MAST4: variants seen among roughly 807,000 people sequenced by gnomAD.
MAST4 encodes the protein microtubule-associated serine/threonine-protein kinase 4.
In MAST4, 89 loss-of-function variants were observed where a neutral mutation model predicts 162.7. The observed-to-expected ratio is 0.55, with a 90% CI of 0.46 to 0.65. The LOEUF (loss-of-function observed/expected upper bound fraction) is 0.65, where lower values mean the gene tolerates loss of function less well. Ranked by LOEUF, MAST4 falls within the 30% of genes least tolerant of loss-of-function variation. MAST4 has a pLI of 0.00. For synonymous variants in MAST4, 1,479 were observed against 1,361.1 expected, an observed-to-expected ratio of 1.09 and a Z score of -1.91; for missense variants, 3,153 against 3,374.0, an observed-to-expected ratio of 0.93 and a Z score of 1.62.
chr5:67,000,603 T>C (rs1751169457), intron 4 of MAST4, among the ~76,000 whole-genome samples: 1 of 151,942 alleles, frequency 6.6e-6, no homozygotes. Flanking sequence ...AAAAAATTAG[T>C]TGGGTGTGGT....
chr5:66,890,032 GCTT>G (rs1395708991), intron 3 of MAST4, among the ~76,000 whole-genome samples: 2 of 152,000 alleles, frequency 1.3e-5, no homozygotes, highest in East Asian at 1.9e-4. Context: ...TTATATTTTA[GCTT>G]CTTTTTTTTA....
Position 66,911,558 on chromosome 5 carries a change from A to ACCCCCCC in MAST4, c.674+11587_674+11593dup, listed in dbSNP as rs59771853. Reference sequence around the variant, plus strand: ...CTCTACAAACAAACAAACAACAACAACCCCCCCCCCCCCCCCCGCAAAAAA... The same window carrying ACCCCCCC: ...CTCTACAAACAAACAAACAACAACAACCCCCCCCCCCCCCCCCCCCCCCCGCAAAAAA... On this transcript the variant is annotated intron_variant, in intron 4 of 28. Coordinates refer to ENST00000403625, the MANE Select transcript of MAST4 (RefSeq NM_001164664.2). Among the ~76,000 whole-genome samples, 7 of 18,092 alleles carry ACCCCCCC rather than the reference A, an allele frequency of 3.9e-4. 2 individuals carry two copies. The highest frequency in any genetic ancestry group is 6.4e-4 in the Non-Finnish European group (6 of 9,442). 11.9% of individuals were successfully genotyped at this position (18,092 alleles called of 152,430 possible).
intron 25 of MAST4, 30 bp from the exon 26 acceptor site, chr5:67,153,428 C>T: frequency 6.3e-7 from 1 of 1,588,818 alleles, no homozygotes; most frequent in Non-Finnish European, 8.6e-7. Context: ...ATTTGTTTGC[C>T]TACAAATATC....
chr5:66,935,957 C>A (rs1029587785), intron 4 of MAST4, among the ~76,000 whole-genome samples: 2 of 152,102 alleles, frequency 1.3e-5, no homozygotes, highest in African/African-American at 2.4e-5. Flanking sequence ...CATGAGCCAT[C>A]GCACTCGGCG....
At chr5:66,860,460 C>G (rs977787287) in intron 3 of MAST4, among the ~76,000 whole-genome samples, 1 of 152,122 alleles carries the variant, frequency 6.6e-6, no homozygotes, top group African/African-American at 2.4e-5. Flanking sequence ...GTGCTTATAG[C>G]TATAGGTCAT....
chr5:66,911,119 A>C (rs1580847163), intron 4 of MAST4, among the ~76,000 whole-genome samples: 1 of 152,148 alleles, frequency 6.6e-6, no homozygotes, highest in East Asian at 1.9e-4. Context: ...CCCATGCTTA[A>C]GTACAGGAAC....
rs1005013395 is a variant in MAST4, at chr5:67,161,397, T to G, written c.3785+805T>G. Among the ~76,000 whole-genome samples, 3 of 152,190 alleles carry G rather than the reference T, an allele frequency of 2.0e-5. No homozygotes were observed. The South Asian group carries it at 6.2e-4, about 32-fold the overall frequency. The stretch of plus-strand genomic sequence containing the variant: ...GCCCAGCTGTGAACAATATTTATAA[T>G]ATAAGATAAAATACCGGCCGTTTTT... On this transcript the variant is annotated intron_variant, in intron 27 of 28. Coordinates refer to ENST00000403625, the MANE Select transcript of MAST4 (RefSeq NM_001164664.2).
At chr5:66,846,781 G>C (rs1357305795) in intron 3 of MAST4, among the ~76,000 whole-genome samples, 1 of 152,148 alleles carries the variant, frequency 6.6e-6, no homozygotes, top group African/African-American at 2.4e-5. Context: ...TTTAGTTCTT[G>C]TAAGATAGGA....
intron 1 of MAST4, among the ~76,000 whole-genome samples, chr5:66,623,488 T>C (rs1206552730): frequency 6.6e-6 from 1 of 152,226 alleles, no homozygotes; most frequent in East Asian, 1.9e-4. Context: ...TGGTTCAATG[T>C]ACATACAATA....
chr5:66,892,139 T>C (rs1394249306), intron 3 of MAST4, among the ~76,000 whole-genome samples: 1 of 152,252 alleles, frequency 6.6e-6, no homozygotes, highest in Non-Finnish European at 1.5e-5. Flanking sequence ...GAGTCACATG[T>C]CATCTTTAAA....
intron 14 of MAST4, among the ~76,000 whole-genome samples, chr5:67,126,938 C>T (rs1768313118): frequency 6.6e-6 from 1 of 152,156 alleles, no homozygotes; most frequent in Non-Finnish European, 1.5e-5. Context: ...GTTTGTAGTT[C>T]TCCTTGAAGA....
At chr5:66,984,496 A>G (rs1270967156) in intron 4 of MAST4, among the ~76,000 whole-genome samples, 1 of 152,180 alleles carries the variant, frequency 6.6e-6, no homozygotes, top group Non-Finnish European at 1.5e-5. Flanking sequence ...ATAAGTGCAG[A>G]ATGTGCAGGT....
intron 1 of MAST4, among the ~76,000 whole-genome samples, chr5:66,636,675 A>G (rs1021788587): frequency 1.3e-5 from 2 of 152,144 alleles, no homozygotes; most frequent in Non-Finnish European, 2.9e-5. Flanking sequence ...GTAGTTAGCA[A>G]TTGTGCCTGG....
intron 4 of MAST4, among the ~76,000 whole-genome samples, chr5:66,911,235 G>T (rs952928494): frequency 6.6e-6 from 1 of 152,128 alleles, no homozygotes; most frequent in African/African-American, 2.4e-5. Flanking sequence ...GACCAGCACC[G>T]TAAGGAAATT....
intron 4 of MAST4, among the ~76,000 whole-genome samples, chr5:66,961,091 T>C (rs996663524): frequency 7.1e-4 from 108 of 152,344 alleles, no homozygotes; most frequent in African/African-American, 2.4e-3. Context: ...GTGATTTACT[T>C]TGAACATTTT....
chr5:66,675,083 C>G (rs1747859787), intron 1 of MAST4, among the ~76,000 whole-genome samples: 1 of 152,182 alleles, frequency 6.6e-6, no homozygotes, highest in Non-Finnish European at 1.5e-5. Flanking sequence ...CTGCCGTATG[C>G]ATTCTGAACT....
Position 67,165,779 on chromosome 5 carries a change from G to T in MAST4, c.6600G>T (p.Pro2200=). Residue 2200 remains proline (P), a synonymous_variant, in exon 29 of 29, where the codon CCG becomes CCT. Coordinates refer to ENST00000403625, the MANE Select transcript of MAST4 (RefSeq NM_001164664.2). The part of the protein sequence containing the change: ...SSHKPRPGPD[P]GPPKTKHPDR... ...ACAAGCCCCGGCCTGGCCCTGACCC[G>T]GGCCCTCCAAAGACTAAGCACCCCG... 1 of 1,604,452 alleles carries T rather than the reference G, an allele frequency of 6.2e-7. No homozygotes were observed. Among genetic ancestry groups the T allele is most frequent in the Non-Finnish European group, 8.5e-7 (1 of 1,175,910 alleles).
chr5:67,130,034 C>G (rs993246347), intron 14 of MAST4, among the ~76,000 whole-genome samples, 176 bp from the exon 15 acceptor site: 2 of 152,142 alleles, frequency 1.3e-5, no homozygotes, highest in Non-Finnish European at 2.9e-5. Context: ...AAAAATCAAT[C>G]TAGCCAAAGG....
intron 4 of MAST4, among the ~76,000 whole-genome samples, chr5:67,037,275 GTGATTGT>G (rs1756140921): frequency 6.6e-6 from 1 of 152,110 alleles, no homozygotes; most frequent in African/African-American, 2.4e-5. Flanking sequence ...AAGCAGAGAG[GTGATTGT>G]TGAGGGTTCC....
Sources: allele counts gnomAD v4.1 joint callset (sites outside exome capture counted in the v4.1 genomes callset), GRCh38; gene constraint gnomAD v4.1.1; transcripts MANE v1.5; gene names NCBI Gene and HGNC (gene_info 2026-07-23, HGNC 2026-07-21).